Variants in XRRA1 observed in about 807,000 individuals in gnomAD.
XRRA1 encodes X-ray radiation resistance associated 1, also known as X-ray radiation resistance-associated protein 1.
Under a neutral mutation model 80.2 loss-of-function variants are expected in XRRA1, and 69 were observed. The ratio of observed to expected loss-of-function variants is 0.86; its 90% CI spans 0.71 to 1.05. XRRA1 has a LOEUF of 1.05. Among genes scored for constraint, XRRA1 ranks in the 50% least tolerant of loss-of-function variants. The pLI is 0.00. For missense variants in XRRA1, 967 were observed against 976.4 expected (o/e 0.99, Z 0.13); for synonymous variants, 348 against 389.9 (o/e 0.89, Z 1.27).
intron 7 of XRRA1, among the ~76,000 whole-genome samples, chr11:74,926,666 T>A (rs1392988332): frequency 6.6e-6 from 1 of 152,126 alleles, no homozygotes; most frequent in African/African-American, 2.4e-5. Context: ...CCCACAAATC[T>A]TCATGAAAGC....
At chr11:74,846,178 A>T (rs1591498642) in intron 15 of XRRA1, 1 of 152,210 alleles carries the variant, frequency 6.6e-6, no homozygotes, top group Non-Finnish European at 1.5e-5. Context: ...ATTGCACTAC[A>T]GCCTGGGCAA....
chr11:74,925,443 T>C (rs559982784), intron 7 of XRRA1, among the ~76,000 whole-genome samples: 8 of 152,330 alleles, frequency 5.3e-5, no homozygotes, highest in Non-Finnish European at 2.9e-5. Flanking sequence ...CAAGTTTTAT[T>C]ACACATCAAA....
intron 7 of XRRA1, among the ~76,000 whole-genome samples, chr11:74,927,122 CT>C (rs1292972462): frequency 1.3e-5 from 2 of 152,144 alleles, no homozygotes; most frequent in Non-Finnish European, 2.9e-5. Context: ...TGGACATGAC[CT>C]TTGGCATTTA....
chr11:74,862,965 A>T lies in XRRA1; in HGVS notation c.1044+16T>A, dbSNP rs1323112367. ...TTCTAACTCAGGAACACAAATATAA[A>T]GTAGTCAGTTCCTACCTCTGAGGTT... On this transcript the variant is annotated intron_variant, in intron 11 of 18. Transcript: ENST00000684022. 6.3e-7 allele frequency: 1 copy of T among 1,580,816 alleles called. No homozygotes were observed. Among genetic ancestry groups the T allele is most frequent in the African/African-American group, 1.4e-5 (1 of 73,932 alleles).
chr11:74,853,785 A>T (rs558540621), intron 12 of XRRA1, among the ~76,000 whole-genome samples: 2 of 152,232 alleles, frequency 1.3e-5, no homozygotes, highest in African/African-American at 4.8e-5. Context: ...GAAAGGCCTC[A>T]TAGCCTGCTG....
chr11:74,943,884 C>T (rs781206329), intron 2 of XRRA1, among the ~76,000 whole-genome samples: 5 of 152,014 alleles, frequency 3.3e-5, no homozygotes, highest in Admixed American at 6.6e-5. Flanking sequence ...TACAGTGGCA[C>T]AATCACGGCT....
intron 8 of XRRA1, among the ~76,000 whole-genome samples, chr11:74,912,094 T>C (rs1173982459): frequency 6.6e-6 from 1 of 152,194 alleles, no homozygotes; most frequent in Non-Finnish European, 1.5e-5. Flanking sequence ...GTAGCCCAAA[T>C]CTGTATCATC....
chr11:74,873,402 T>C (rs1785693928), intron 10 of XRRA1, among the ~76,000 whole-genome samples: 1 of 152,212 alleles, frequency 6.6e-6, no homozygotes, highest in Non-Finnish European at 1.5e-5. Context: ...CCCAAATACC[T>C]GAGGGAACTA....
intron 14 of XRRA1, chr11:74,850,782 C>A (rs573078616): frequency 3.0e-5 from 5 of 169,106 alleles, no homozygotes; most frequent in Non-Finnish European, 6.4e-5. Context: ...GCGATCCTCT[C>A]GCCTTGGCCT....
At chr11:74,928,915 C>T (rs907320924) in intron 6 of XRRA1, among the ~76,000 whole-genome samples, 1 of 152,150 alleles carries the variant, frequency 6.6e-6, no homozygotes, top group African/African-American at 2.4e-5. Context: ...ATCCATCTCC[C>T]TACCAATGCT....
At chr11:74,879,996 G>T (rs1358863608) in intron 10 of XRRA1, among the ~76,000 whole-genome samples, 1 of 151,962 alleles carries the variant, frequency 6.6e-6, no homozygotes, top group African/African-American at 2.4e-5. Context: ...AGTTAGGGAG[G>T]ATTCCCTCTT....
At chr11:74,843,538 T>C in intron 18 of XRRA1, 85 bp from the exon 19 acceptor site, 1 of 1,505,292 alleles carries the variant, frequency 6.6e-7, no homozygotes, top group Non-Finnish European at 8.9e-7. Flanking sequence ...CCAGAGACCC[T>C]TGGAAAATGG....
At chr11:74,900,301 G>A (rs1332958219) in intron 10 of XRRA1, among the ~76,000 whole-genome samples, 1 of 152,000 alleles carries the variant, frequency 6.6e-6, no homozygotes, top group Non-Finnish European at 1.5e-5. Flanking sequence ...ATCATTCATC[G>A]GCCAGGCGCA....
chr11:74,886,542 C>T (rs1011843355), intron 10 of XRRA1, among the ~76,000 whole-genome samples: 3 of 148,756 alleles, frequency 2.0e-5, no homozygotes, highest in South Asian at 4.3e-4. Context: ...TTATAAAACA[C>T]GGCTTAAAAA....
intron 10 of XRRA1, among the ~76,000 whole-genome samples, chr11:74,901,785 TA>T (rs1214771905): frequency 6.6e-6 from 1 of 152,168 alleles, no homozygotes; most frequent in African/African-American, 2.4e-5. Flanking sequence ...TTATTTGAAT[TA>T]AATATAAGAC....
chr11:74,889,113 A>G (rs1298189223), intron 10 of XRRA1, among the ~76,000 whole-genome samples: 5 of 152,334 alleles, frequency 3.3e-5, no homozygotes, highest in Admixed American at 6.5e-5. Flanking sequence ...CAGATTCACC[A>G]AAGTTGAAAT....
At chr11:74,900,351 G>C (rs1258584968) in intron 10 of XRRA1, among the ~76,000 whole-genome samples, 1 of 152,178 alleles carries the variant, frequency 6.6e-6, no homozygotes, top group Non-Finnish European at 1.5e-5. Context: ...GGGAGGCCAA[G>C]GTGGGCGGAT....
intron 10 of XRRA1, among the ~76,000 whole-genome samples, chr11:74,902,581 G>A (rs1351951764): frequency 2.0e-5 from 3 of 152,092 alleles, no homozygotes; most frequent in East Asian, 1.9e-4. Context: ...AGTACTATTC[G>A]GCCATTAAAA....
intron 5 of XRRA1, among the ~76,000 whole-genome samples, chr11:74,932,092 T>C (rs1943723615): frequency 6.6e-6 from 1 of 152,226 alleles, no homozygotes; most frequent in African/African-American, 2.4e-5. Flanking sequence ...TTCTTCCTAT[T>C]GTTTTGTAGG....
Sources: gnomAD v4.1 joint callset for allele counts (sites outside exome capture counted in the v4.1 genomes callset) on GRCh38, gnomAD v4.1.1 for gene constraint, MANE v1.5 for transcripts, NCBI Gene and HGNC (gene_info 2026-07-23, HGNC 2026-07-21) for gene names.